Variants in DPP10 observed in about 807,000 individuals in gnomAD.
DPP10 encodes the protein dipeptidyl peptidase like 10, also known as inactive dipeptidyl peptidase 10.
Under a neutral mutation model 120.9 loss-of-function variants are expected in DPP10, and 33 were observed. The observed-to-expected ratio is 0.27, with a 90% confidence interval of 0.21 to 0.37. The LOEUF is 0.37. Among genes scored for constraint, DPP10 ranks in the 10% least tolerant of loss-of-function variants. The pLI, the probability that DPP10 is intolerant of heterozygous loss-of-function variation, is 1.00. For synonymous variants in DPP10, 337 were observed against 326.1 expected, an observed-to-expected ratio of 1.03 and a Z score of -0.36; for missense variants, 816 against 942.8, an observed-to-expected ratio of 0.87 and a Z score of 1.76.
intron 1 of DPP10, among the ~76,000 whole-genome samples, chr2:114,900,316 A>T (rs535015601): frequency 6.6e-6 from 1 of 152,354 alleles, no homozygotes; most frequent in East Asian, 1.9e-4. Context: ...CCTTAGAGGT[A>T]GAATTGTTGG....
intron 1 of DPP10, among the ~76,000 whole-genome samples, chr2:115,241,640 A>G (rs565324370): frequency 6.6e-6 from 1 of 152,328 alleles, no homozygotes; most frequent in East Asian, 1.9e-4. Context: ...AGAGAGACAC[A>G]CAGGCTTTCT....
At chr2:115,432,049 A>ATTT (rs1470519239) in intron 3 of DPP10, among the ~76,000 whole-genome samples, 2 of 152,154 alleles carry the variant, frequency 1.3e-5, no homozygotes, top group Non-Finnish European at 2.9e-5. Flanking sequence ...AGCTCTATAA[A>ATTT]TTACCCATAC....
chr2:115,446,294 T>C (rs2072579469), intron 3 of DPP10, among the ~76,000 whole-genome samples: 1 of 152,144 alleles, frequency 6.6e-6, no homozygotes, highest in Admixed American at 6.6e-5. Flanking sequence ...ATGGAAAACC[T>C]CTGCTAGGGA....
At chr2:114,971,650 T>C (rs1699401712) in intron 1 of DPP10, among the ~76,000 whole-genome samples, 1 of 152,102 alleles carries the variant, frequency 6.6e-6, no homozygotes, top group South Asian at 2.1e-4. Flanking sequence ...ACTAACAAAA[T>C]GGAGAGAAAG....
chr2:114,982,558 GA>G (rs1700147376), intron 1 of DPP10, among the ~76,000 whole-genome samples: 3 of 151,514 alleles, frequency 2.0e-5, no homozygotes, highest in South Asian at 2.1e-4. Context: ...AACAAAATAT[GA>G]AAAAAATCAA....
At chr2:114,981,604 C>T (rs1406775804) in intron 1 of DPP10, among the ~76,000 whole-genome samples, 4 of 151,836 alleles carry the variant, frequency 2.6e-5, no homozygotes, top group African/African-American at 4.8e-5. Context: ...CCTTCGAAAC[C>T]GGGTCTCTCT....
chr2:115,634,751 G>A (rs2086179749), intron 5 of DPP10, among the ~76,000 whole-genome samples: 1 of 152,178 alleles, frequency 6.6e-6, no homozygotes, highest in African/African-American at 2.4e-5. Context: ...TGGAGGAGGT[G>A]CACTGTGCTG....
At chr2:115,434,124 G>A (rs2071259689) in intron 3 of DPP10, among the ~76,000 whole-genome samples, 1 of 151,964 alleles carries the variant, frequency 6.6e-6, no homozygotes, top group South Asian at 2.1e-4. Flanking sequence ...AATGGTGGTA[G>A]TATAATTTAC....
At chr2:114,515,360 T>A (rs538203711) in intron 1 of DPP10, among the ~76,000 whole-genome samples, 1 of 152,330 alleles carries the variant, frequency 6.6e-6, no homozygotes, top group African/African-American at 2.4e-5. Context: ...GCAACAGACA[T>A]CTGGCCCAGC....
intron 5 of DPP10, among the ~76,000 whole-genome samples, chr2:115,569,423 T>C (rs1243406173): frequency 6.6e-6 from 1 of 152,230 alleles, no homozygotes; most frequent in Non-Finnish European, 1.5e-5. Context: ...ATTACAATTC[T>C]GTGGTGTCAT....
chr2:114,944,367 G>A (rs1339987529), intron 1 of DPP10, among the ~76,000 whole-genome samples: 1 of 152,162 alleles, frequency 6.6e-6, no homozygotes, highest in East Asian at 1.9e-4. Context: ...GAGAAAAATG[G>A]TGCATTTCAT....
intron 7 of DPP10, among the ~76,000 whole-genome samples, chr2:115,715,113 G>A (rs567211357): frequency 4.6e-4 from 69 of 151,284 alleles, no homozygotes; most frequent in African/African-American, 1.6e-3. Flanking sequence ...GCCGAGGGAG[G>A]CGGATCACCT....
chr2:114,548,354 G>T lies in DPP10; in HGVS notation c.60+105516G>T, dbSNP rs1387183273. On this transcript the variant is annotated intron_variant, in intron 1 of 25. Transcript: ENST00000410059. ...TACAAAATAAAATTCCAGTGACACAGCCTCAAAATTAGTAACACAGAGATG... is the reference window on the plus strand; with the variant it reads ...TACAAAATAAAATTCCAGTGACACATCCTCAAAATTAGTAACACAGAGATG... 3.3e-5 allele frequency among the ~76,000 whole-genome samples: 5 copies of T among 152,148 alleles called. No homozygotes were observed. The East Asian group carries it at 9.6e-4, about 29-fold the overall frequency.
intron 1 of DPP10, among the ~76,000 whole-genome samples, chr2:114,675,807 A>ATT (rs71955365): frequency 6.8e-5 from 10 of 148,140 alleles, no homozygotes; most frequent in African/African-American, 2.5e-4. Flanking sequence ...ATCTTTAATA[A>ATT]TTTTTTTTTT....
At chr2:115,830,535 A>T (rs994216492) in intron 21 of DPP10, among the ~76,000 whole-genome samples, 1 of 152,168 alleles carries the variant, frequency 6.6e-6, no homozygotes, top group African/African-American at 2.4e-5. Context: ...AGTGTTGGAA[A>T]TACAGTGGTC....
intron 1 of DPP10, among the ~76,000 whole-genome samples, chr2:115,020,425 TATA>T (rs1702986794): frequency 6.6e-6 from 1 of 152,134 alleles, no homozygotes. Context: ...AGGGACATTA[TATA>T]ATGATATAAG....
intron 1 of DPP10, among the ~76,000 whole-genome samples, chr2:114,595,393 T>C (rs1691824068): frequency 6.6e-6 from 1 of 152,112 alleles, no homozygotes; most frequent in South Asian, 2.1e-4. Context: ...TCATCAATTA[T>C]ACTTTGTGAG....
At chr2:114,787,743 T>G (rs572052786) in intron 1 of DPP10, among the ~76,000 whole-genome samples, 1 of 152,348 alleles carries the variant, frequency 6.6e-6, no homozygotes, top group South Asian at 2.1e-4. Flanking sequence ...ACAATTCCTC[T>G]GAAGTGTCTG....
intron 3 of DPP10, among the ~76,000 whole-genome samples, chr2:115,376,055 G>A (rs1283283239): frequency 5.3e-5 from 8 of 152,066 alleles, no homozygotes; most frequent in African/African-American, 1.7e-4. Flanking sequence ...TGTTGAAAGC[G>A]GGAGCTGATG....
Sources: gnomAD v4.1 joint callset for allele counts (sites outside exome capture counted in the v4.1 genomes callset) on GRCh38, gnomAD v4.1.1 for gene constraint, MANE v1.5 for transcripts, NCBI Gene and HGNC (gene_info 2026-07-23, HGNC 2026-07-21) for gene names.